MSLN: variants seen among roughly 807,000 people sequenced by gnomAD.
MSLN encodes the protein CAK1 antigen.
MSLN carries 82 observed loss-of-function variants against 72.6 expected under a neutral mutation model. The observed-to-expected ratio is 1.13, with a 90% CI of 0.94 to 1.36. MSLN has a LOEUF of 1.36. Among genes scored for constraint, MSLN ranks in the 40% most tolerant of loss-of-function variants. The probability of loss-of-function intolerance (pLI) is 0.00; values close to 1 mark genes in which losing one functional copy is unlikely to be tolerated. For synonymous variants in MSLN, 456 were observed against 387.3 expected (o/e 1.18, Z -2.08); for missense variants, 1,005 against 847.9 (o/e 1.19, Z -2.30).
Position 768,445 on chromosome 16 carries a change from C to G in MSLN, c.1663C>G (p.Arg555Gly). 1 of 1,529,234 alleles carries G rather than the reference C, an allele frequency of 6.5e-7. No individual in the cohort carries two copies. The highest frequency in any genetic ancestry group is 1.4e-5 in the African/African-American group (1 of 72,442). 94.7% of individuals were successfully genotyped at this position (1,529,234 alleles called of 1,614,324 possible). The change falls in exon 17 of 18, where the codon CGG (arginine) becomes GGG (glycine). Residue 555 changes from arginine to glycine, a missense_variant. Transcript: ENST00000545450. ...PHVEGLKAEE[R>G]HRPVRDWILR... ...CGTGGAGGGCCTGAAGGCGGAGGAG[C>G]GGCACCGCCCGGTGCGGGACTGGAT...
chr16:765,445 C>T (rs979712669), intron 9 of MSLN, 82 bp from the exon 10 acceptor site: 2 of 1,444,578 alleles, frequency 1.4e-6, no homozygotes, highest in Middle Eastern at 2.0e-4. Flanking sequence ...GTCCCCTCCA[C>T]AGCCAGGGGG....
At chr16:761,262 G>C (rs1322065692) in intron 2 of MSLN, 88 bp downstream of exon 2, 1 of 152,332 alleles carries the variant, frequency 6.6e-6, no homozygotes, top group East Asian at 1.9e-4. Flanking sequence ...CCCAGGCCGG[G>C]CTTCCAGCAC....
chr16:763,757 C>T, intron 5 of MSLN, 66 bp downstream of exon 5: 2 of 1,435,898 alleles, frequency 1.4e-6, no homozygotes, highest in Non-Finnish European at 1.9e-6. Context: ...TGAGGGTGGG[C>T]AGGGCACCCC....
chr16:764,953 C>G lies in MSLN; in HGVS notation c.427C>G (p.Arg143Gly). Residue 143 changes from arginine to glycine, a missense_variant, in exon 8 of 18, where the codon CGC becomes GGC. Physicochemically the swap from Arg to Gly is moderately radical, Grantham distance 125. Transcript: ENST00000545450. The stretch of plus-strand genomic sequence containing the variant: ...CCAGGCCTGCACCCGTTTCTTCTCC[C>G]GCATCACGAAGGCCAATGTGGACCT... The part of the protein sequence containing the change: ...GPQACTRFFS[R>G]ITKANVDLLP... The G allele has an allele frequency of 1.2e-6, 2 of 1,612,414 alleles. No individual in the cohort carries two copies. The highest frequency in any genetic ancestry group is 1.7e-6 in the Non-Finnish European group (2 of 1,179,766).
At chr16:768,002 G>A in intron 16 of MSLN, among the ~76,000 whole-genome samples, 1 of 44,760 alleles carries the variant, frequency 2.2e-5, no homozygotes. Flanking sequence ...GCGCGTGGAG[G>A]AGGAGGGGCG....
rs1135210 is a variant in MSLN at position 768,559 on chromosome 16, A to G, written c.1777A>G (p.Met593Val). 0.24 allele frequency: 392,733 copies of G among 1,606,114 alleles called. 51,923 individuals are homozygous for G. Among genetic ancestry groups the G allele is most frequent in the African/African-American group, 0.53 (39,512 of 74,748 alleles). The change falls in exon 17 of 18, where the codon ATG (methionine) becomes GTG (valine). Residue 593 changes from methionine to valine, a missense_variant. Transcript: ENST00000545450. ...PNGYLVLDLS[M>V]QEALSGTPCL... is the part of the protein sequence containing the mutation. ...CGGCTACCTGGTCCTAGACCTCAGC[A>G]TGCAAGGTGGGCGGGGCGGCCAGGC...
Position 764,987 on chromosome 16 carries a change from G to C in MSLN, c.461G>C (p.Arg154Thr). 2 of 1,612,282 alleles carry C rather than the reference G, an allele frequency of 1.2e-6. No homozygotes were observed. Among genetic ancestry groups the C allele is most frequent in the Non-Finnish European group, 1.7e-6 (2 of 1,179,730 alleles). Residue 154 changes from arginine (R) to threonine (T), a missense_variant, in exon 8 of 18, where the codon AGG becomes ACG. Arg to Thr is a moderately conservative substitution (Grantham distance 71). Transcript: ENST00000545450. ...AAGGCCAATGTGGACCTGCTCCCGA[G>C]GGGGGCTCCCGAGCGACAGCGGCTG... ...ITKANVDLLP[R>T]GAPERQRLLP...
Position 767,425 on chromosome 16 carries a change from C to T in MSLN, c.1551C>T (p.Ser517=), listed in dbSNP as rs746804885. The T allele has an allele frequency of 1.3e-6, 2 of 1,573,458 alleles. No homozygotes were observed. The highest frequency in any genetic ancestry group is 1.1e-5 in the South Asian group (1 of 90,040). The change falls in exon 16 of 18, where the codon AGC becomes AGT. Residue 517 remains serine (S), a synonymous_variant. Coordinates refer to ENST00000545450, the MANE Select transcript of MSLN (RefSeq NM_005823.6). ...DLKALSQQNV[S]MDLATFMKLR... ...AGGCGCTCAGTCAGCAGAATGTGAG[C>T]ATGGACTTGGCCACGTTCATGAAGC...
At chr16:768,610 G>A (rs374136251) in intron 17 of MSLN, 38 bp from the exon 18 acceptor site, 637 of 1,610,964 alleles carry the variant, frequency 4.0e-4, no homozygotes, top group Middle Eastern at 1.3e-3. Context: ...AGCTGGGGGC[G>A]TGGAGGTGGG....
chr16:763,197 GC>G, intron 3 of MSLN, 35 bp from the exon 4 acceptor site: 1 of 1,435,812 alleles, frequency 7.0e-7, no homozygotes, highest in Non-Finnish European at 9.5e-7. Context: ...CCAGAGGCCC[GC>G]CCCCTCCCCC....
chr16:765,355 G>A, intron 9 of MSLN, 52 bp downstream of exon 9: 1 of 1,487,622 alleles, frequency 6.7e-7, no homozygotes, highest in Non-Finnish European at 8.9e-7. Flanking sequence ...CGTGGTATCA[G>A]CAGCGTGAGG....
intron 16 of MSLN, among the ~76,000 whole-genome samples, chr16:767,959 T>G (rs1596698439): frequency 6.9e-5 from 1 of 14,588 alleles, no homozygotes; most frequent in Non-Finnish European, 1.0e-4. Context: ...GAGGGGCGCG[T>G]GGAGGGGGCC....
chr16:768,076 G>A (rs1230655891), intron 16 of MSLN, among the ~76,000 whole-genome samples: 1 of 115,560 alleles, frequency 8.7e-6, no homozygotes, highest in Non-Finnish European at 1.8e-5. Flanking sequence ...ATGGAGGGGG[G>A]GGCAAGTGGA....
Position 768,492 on chromosome 16 carries a change from C to A in MSLN, c.1710C>A (p.Asp570Glu). The change falls in exon 17 of 18, where the codon GAC (aspartate) becomes GAA (glutamate). Residue 570 changes from aspartate to glutamate, a missense_variant. By Grantham distance (45) the Asp-to-Glu change is conservative (BLOSUM62 2). Transcript: ENST00000545450. ...RDWILRQRQD[D>E]LDTLGLGLQG... ...GGATCCTACGGCAGCGGCAGGACGA[C>A]CTGGACACGCTGGGGCTGGGGCTAC... 1.9e-6 allele frequency: 3 copies of A among 1,582,430 alleles called. No individual in the cohort carries two copies. Among genetic ancestry groups the A allele is most frequent in the Non-Finnish European group, 2.6e-6 (3 of 1,161,936 alleles).
At chr16:764,585 C>T in intron 6 of MSLN, 62 bp from the exon 7 acceptor site, 1 of 1,405,888 alleles carries the variant, frequency 7.1e-7, no homozygotes, top group Admixed American at 1.7e-5. Context: ...GGCCAGGCGA[C>T]CCTGGCCCAC....
At chr16:761,478 G>A (rs1259421049) in intron 2 of MSLN, among the ~76,000 whole-genome samples, 1 of 152,220 alleles carries the variant, frequency 6.6e-6, no homozygotes, top group Non-Finnish European at 1.5e-5. Flanking sequence ...GGGCTCTCGG[G>A]GAGCCCCCAT....
In MSLN at chr16:765,016, C is replaced by A; in HGVS notation, c.490C>A (p.Pro164Thr). 1 of 1,611,744 alleles carries A rather than the reference C, an allele frequency of 6.2e-7. No individual in the cohort carries two copies. The highest frequency in any genetic ancestry group is 1.1e-5 in the South Asian group (1 of 91,004). Residue 164 changes from proline to threonine, a missense_variant, in exon 8 of 18, where the codon CCT becomes ACT. Transcript: ENST00000545450. ...RGAPERQRLL[P>T]AALACWGVRG... ...GGCTCCCGAGCGACAGCGGCTGCTG[C>A]CTGCGGCTCTGGCCTGCTGGGTAGG...
chr16:760,934 G>A (rs9928996), intron 1 of MSLN, 113 bp downstream of exon 1: 9,612 of 152,334 alleles, frequency 0.063, 623 homozygotes, highest in South Asian at 0.17. Context: ...TAGGGGTAAA[G>A]CTCCCTACCC....
chr16:768,597 C>T, intron 17 of MSLN, 32 bp downstream of exon 17: 1 of 1,610,174 alleles, frequency 6.2e-7, no homozygotes, highest in Non-Finnish European at 8.5e-7. Flanking sequence ...GGGCTGGGGG[C>T]AGAGCTGGGG....
Sources: gnomAD v4.1 joint callset for allele counts (sites outside exome capture counted in the v4.1 genomes callset) on GRCh38, gnomAD v4.1.1 for gene constraint, MANE v1.5 for transcripts, NCBI Gene and HGNC (gene_info 2026-07-23, HGNC 2026-07-21) for gene names.